Variants in PLEKHA4 observed in about 807,000 individuals in gnomAD.
PLEKHA4 encodes the protein pleckstrin homology domain containing A4.
Under a neutral mutation model 94.7 loss-of-function variants are expected in PLEKHA4, and 73 were observed. The observed-to-expected ratio is 0.77, with a 90% CI of 0.64 to 0.94. The LOEUF is 0.94. Ranked by LOEUF, PLEKHA4 falls within the 40% of genes least tolerant of loss-of-function variation. The pLI, the probability that PLEKHA4 is intolerant of heterozygous loss-of-function variation, is 0.00. For synonymous variants in PLEKHA4, 449 were observed against 437.1 expected, an observed-to-expected ratio of 1.03 and a Z score of -0.34; for missense variants, 1,049 against 1,054.1, an observed-to-expected ratio of 1.00 and a Z score of 0.07.
At chr19:48,860,213 G>T in intron 6 of PLEKHA4, 137 bp downstream of exon 6, 1 of 695,834 alleles carries the variant, frequency 1.4e-6, no homozygotes, top group Non-Finnish European at 2.4e-6. Flanking sequence ...TGGAGGTGGG[G>T]CCTAGAAGAC....
At chr19:48,842,566 T>G (rs1250711139) in intron 16 of PLEKHA4, among the ~76,000 whole-genome samples, 3 of 152,236 alleles carry the variant, frequency 2.0e-5, no homozygotes, top group Non-Finnish European at 4.4e-5. Flanking sequence ...CAGGTATTTT[T>G]AGCTATGCAG....
chr19:48,850,534 A>C (rs1000572694), intron 13 of PLEKHA4, among the ~76,000 whole-genome samples: 4 of 150,470 alleles, frequency 2.7e-5, no homozygotes, highest in Non-Finnish European at 5.9e-5. Flanking sequence ...AAAAAATAGA[A>C]GGGCTGTGTG....
At chr19:48,838,425 T>C (rs1417263655) in intron 18 of PLEKHA4, 1 of 174,026 alleles carries the variant, frequency 5.7e-6, no homozygotes, top group African/African-American at 2.5e-5. Context: ...CGTAAATATA[T>C]GTATACCTAG....
intron 8 of PLEKHA4, among the ~76,000 whole-genome samples, chr19:48,857,719 T>C (rs1344721853): frequency 6.6e-6 from 1 of 150,858 alleles, no homozygotes; most frequent in Non-Finnish European, 1.5e-5. Context: ...GAAGGCAGCA[T>C]GCTCGTTAAG....
chr19:48,845,673 C>G, intron 14 of PLEKHA4, 57 bp from the exon 15 acceptor site: 1 of 1,302,324 alleles, frequency 7.7e-7, no homozygotes, highest in Non-Finnish European at 1.0e-6. Context: ...ATTATTATTA[C>G]CATGTTGCAA....
Position 48,853,749 on chromosome 19 carries a change from C to T in PLEKHA4, c.1259G>A (p.Trp420Ter). The T allele has an allele frequency of 1.9e-6, 3 of 1,612,480 alleles. No individual in the cohort carries two copies. Among genetic ancestry groups the T allele is most frequent in the Non-Finnish European group, 2.5e-6 (3 of 1,179,570 alleles). The part of the protein sequence containing the change: ...TREAGAPGRA[W>*]GRQRLLQDRL... ...GTCCTGCAAGAGGCGCTGGCGACCCCAGGCCCTCCCGGGAGCCCCAGCCTC... is the reference window on the plus strand; with the variant it reads ...GTCCTGCAAGAGGCGCTGGCGACCCTAGGCCCTCCCGGGAGCCCCAGCCTC... Residue 420 changes from tryptophan (W) to a stop codon, truncating the protein, a stop_gained, in exon 12 of 20, where the codon TGG becomes TAG. Transcript: ENST00000263265. LOFTEE classifies it high-confidence loss of function.
intron 14 of PLEKHA4, among the ~76,000 whole-genome samples, chr19:48,846,379 A>T (rs2035972724): frequency 6.6e-6 from 1 of 151,686 alleles, no homozygotes; most frequent in South Asian, 2.1e-4. Context: ...TGAACCCGGG[A>T]GGTAGAGCTT....
intron 8 of PLEKHA4, among the ~76,000 whole-genome samples, chr19:48,858,453 C>G (rs2123100731): frequency 6.6e-6 from 1 of 151,968 alleles, no homozygotes; most frequent in East Asian, 1.9e-4. Context: ...ATGGTGAAAC[C>G]TCATCTCTAC....
At chr19:48,865,402 A>C (rs1488114001) in intron 3 of PLEKHA4, 101 bp downstream of exon 3, 3 of 745,362 alleles carry the variant, frequency 4.0e-6, no homozygotes, top group Admixed American at 5.1e-5. Flanking sequence ...GGGCAGTGAT[A>C]GCAAGAAAAA....
rs1390900190 is a variant in PLEKHA4 at position 48,848,005 on chromosome 19, C to T, written c.1461G>A (p.Val487=). 6.2e-7 allele frequency: 1 copy of T among 1,613,696 alleles called. No individual in the cohort carries two copies. The highest frequency in any genetic ancestry group is 1.3e-5 in the African/African-American group (1 of 75,040). ...RVSAQQQLWM[V]EDTLAGLGGP... is the part of the protein sequence containing the mutation. ...CACCCAGACCTGCCAGCGTGTCTTC[C>T]ACCATCCACAGCTGCTGCTGAGCAG... is the stretch of plus-strand genomic sequence containing the variant. The change falls in exon 14 of 20, where the codon GTG becomes GTA. Residue 487 remains valine (V), a synonymous_variant. Transcript: ENST00000263265.
At position 48,866,606 on chromosome 19, in the gene PLEKHA4, C is replaced by T. The variant is rs115253704; in HGVS notation, c.84+931G>A. On this transcript the variant is annotated intron_variant, in intron 2 of 19. Transcript: ENST00000263265. Reference sequence around the variant, plus strand: ...ATAGGCGTGAGCCACTGCGCCGGGCCGAGACTCTTTTTTTGATGGGCAGAG... The same window carrying T: ...ATAGGCGTGAGCCACTGCGCCGGGCTGAGACTCTTTTTTTGATGGGCAGAG... Among the ~76,000 whole-genome samples the T allele has an allele frequency of 3.5e-3, 526 of 152,152 alleles. 4 individuals carry two copies. The highest frequency in any genetic ancestry group is 0.01 in the South Asian group (49 of 4,818).
intron 3 of PLEKHA4, among the ~76,000 whole-genome samples, chr19:48,862,183 T>G (rs2036667505): frequency 6.7e-6 from 1 of 150,050 alleles, no homozygotes; most frequent in African/African-American, 2.5e-5. Context: ...ATAGTAGCCC[T>G]ACTTCTTTTC....
intron 16 of PLEKHA4, among the ~76,000 whole-genome samples, chr19:48,841,994 A>C (rs2035785500): frequency 6.6e-6 from 1 of 152,196 alleles, no homozygotes; most frequent in Admixed American, 6.6e-5. Context: ...TGAAGCTTCC[A>C]GTTAAACATC....
At chr19:48,855,285 C>T (rs1462525305) in intron 9 of PLEKHA4, among the ~76,000 whole-genome samples, 4 of 150,090 alleles carry the variant, frequency 2.7e-5, no homozygotes, top group Non-Finnish European at 5.9e-5. Context: ...CATAGGGAGA[C>T]CTTGTGTCTG....
intron 14 of PLEKHA4, among the ~76,000 whole-genome samples, chr19:48,845,825 A>G (rs1385556393): frequency 6.6e-6 from 1 of 151,338 alleles, no homozygotes; most frequent in Non-Finnish European, 1.5e-5. Context: ...GCTTAGTCCA[A>G]CGTAGTGAAA....
At chr19:48,840,529 G>A (rs766163910) in intron 17 of PLEKHA4, among the ~76,000 whole-genome samples, 1 of 150,430 alleles carries the variant, frequency 6.6e-6, no homozygotes, top group African/African-American at 2.4e-5. Flanking sequence ...GGGTTCAAGC[G>A]ATTCTCCTGC....
intron 13 of PLEKHA4, among the ~76,000 whole-genome samples, chr19:48,850,810 C>G (rs1368772122): frequency 3.3e-5 from 5 of 150,268 alleles, no homozygotes; most frequent in African/African-American, 9.8e-5. Context: ...GAACGAGACT[C>G]TATCTCAAAA....
At chr19:48,841,393 G>C in intron 16 of PLEKHA4, 83 bp from the exon 17 acceptor site, 2 of 1,385,484 alleles carry the variant, frequency 1.4e-6, no homozygotes, top group African/African-American at 1.4e-5. Flanking sequence ...TTGGGAGGCT[G>C]AGTAGAGAGG....
intron 14 of PLEKHA4, 46 bp from the exon 15 acceptor site, chr19:48,845,662 T>A (rs770508236): frequency 2.4e-5 from 31 of 1,298,282 alleles, no homozygotes; most frequent in Non-Finnish European, 3.2e-5. Flanking sequence ...TTATAATAAT[T>A]ATTATTATTA....
Sources: allele counts gnomAD v4.1 joint callset (sites outside exome capture counted in the v4.1 genomes callset), GRCh38; gene constraint gnomAD v4.1.1; transcripts MANE v1.5; gene names NCBI Gene and HGNC (gene_info 2026-07-23, HGNC 2026-07-21).